TBC1D32: variants seen among roughly 807,000 people sequenced by gnomAD.
TBC1D32 encodes TBC1 domain family member 32.
A neutral mutation model predicts 170.3 loss-of-function variants in TBC1D32; 151 were observed. The ratio of observed to expected loss-of-function variants is 0.89; its 90% CI spans 0.78 to 1.01. TBC1D32 has a LOEUF of 1.01. TBC1D32 is among the 50% of genes least tolerant of loss of function. The pLI is 0.00. For missense variants in TBC1D32, 1,464 were observed against 1,457.1 expected (o/e 1.00, Z -0.08); for synonymous variants, 498 against 488.0 (o/e 1.02, Z -0.27).
intron 19 of TBC1D32, among the ~76,000 whole-genome samples, chr6:121,240,854 G>T (rs113750167): frequency 0.021 from 2,054 of 99,482 alleles, 14 homozygotes; most frequent in Middle Eastern, 0.087. Flanking sequence ...CAGCCTGGGC[G>T]ACAAAAGTGA....
chr6:121,279,339 A>G (rs1802673749), intron 14 of TBC1D32, 94 bp from the exon 15 acceptor site: 1 of 1,386,328 alleles, frequency 7.2e-7, no homozygotes, highest in African/African-American at 1.5e-5. Flanking sequence ...GTAGTCTTAT[A>G]AAGTTATATT....
At chr6:121,229,701 G>C (rs1176259934) in intron 20 of TBC1D32, among the ~76,000 whole-genome samples, 1 of 152,034 alleles carries the variant, frequency 6.6e-6, no homozygotes, top group Non-Finnish European at 1.5e-5. Flanking sequence ...AAAATTATTA[G>C]TTGGGATAAT....
rs575589019 is a variant in TBC1D32, at chr6:121,221,406, G to A, written c.2481+1830C>T. On this transcript the variant is annotated intron_variant, in intron 21 of 31. Transcript: ENST00000398212. ...TCCATTCTGTAGCCCATAAATCAAG[G>A]AGTAATTTTGACTTTCAAATATTTA... is the stretch of plus-strand genomic sequence containing the variant. 9.9e-5 allele frequency among the ~76,000 whole-genome samples: 15 copies of A among 152,264 alleles called. No homozygotes were observed. In the South Asian group the frequency reaches 2.9e-3, roughly 29 times the overall value.
intron 24 of TBC1D32, among the ~76,000 whole-genome samples, chr6:121,134,295 GCTAT>G (rs577348677): frequency 2.4e-4 from 36 of 151,958 alleles, no homozygotes; most frequent in Non-Finnish European, 4.7e-4. Flanking sequence ...CCTTTCATAG[GCTAT>G]CTGTTATTTA....
chr6:121,171,232 A>G (rs1352388331), intron 22 of TBC1D32, among the ~76,000 whole-genome samples: 1 of 151,682 alleles, frequency 6.6e-6, no homozygotes, highest in East Asian at 1.9e-4. Flanking sequence ...CAGAGTTTTG[A>G]GAATCCTACA....
chr6:121,293,115 A>G (rs1805110826), intron 11 of TBC1D32, among the ~76,000 whole-genome samples: 1 of 151,458 alleles, frequency 6.6e-6, no homozygotes, highest in Non-Finnish European at 1.5e-5. Flanking sequence ...AATGAGCAAG[A>G]ATTTTTTTAA....
Position 121,277,143 on chromosome 6 carries a change from A to G in TBC1D32, c.1733+1978T>C, listed in dbSNP as rs186240719. Reference sequence around the variant, plus strand: ...GATGTCACTTTCTGGGCCATAAAACATAAAATACACTTTGAAAACTAGAAA... The same window carrying G: ...GATGTCACTTTCTGGGCCATAAAACGTAAAATACACTTTGAAAACTAGAAA... On this transcript the variant is annotated intron_variant, in intron 15 of 31. Transcript: ENST00000398212. Among the ~76,000 whole-genome samples the G allele has an allele frequency of 1.4e-4, 21 of 152,320 alleles. No individual in the cohort carries two copies. The East Asian group carries it at 3.9e-3, about 28-fold the overall frequency.
At chr6:121,085,332 CATACATATATATACATACATATAT>C (rs1776130008) in intron 31 of TBC1D32, among the ~76,000 whole-genome samples, 1 of 127,564 alleles carries the variant, frequency 7.8e-6, no homozygotes, top group African/African-American at 3.7e-5. Context: ...TATATATATA[CATACATATATATACATACATATAT>C]ATACATATAT....
chr6:121,160,927 T>C (rs1424919357), intron 23 of TBC1D32, 21 bp downstream of exon 23: 4 of 1,593,402 alleles, frequency 2.5e-6, no homozygotes, highest in Non-Finnish European at 3.4e-6. Context: ...CACATCCCAC[T>C]TCTCTTTGCC....
chr6:121,100,206 A>G (rs976389155), intron 30 of TBC1D32, among the ~76,000 whole-genome samples: 1 of 151,968 alleles, frequency 6.6e-6, no homozygotes, highest in Non-Finnish European at 1.5e-5. Context: ...CAATTTTGGA[A>G]TAAGTGCGAT....
At chr6:121,242,429 AC>A in intron 17 of TBC1D32, 90 bp from the exon 18 acceptor site, 1 of 1,285,256 alleles carries the variant, frequency 7.8e-7, no homozygotes, top group Non-Finnish European at 1.1e-6. Context: ...AACCCTGTTT[AC>A]AATTAAAGTT....
At chr6:121,332,129 G>A (rs1309451414) in intron 1 of TBC1D32, among the ~76,000 whole-genome samples, 2 of 152,180 alleles carry the variant, frequency 1.3e-5, no homozygotes, top group African/African-American at 4.8e-5. Flanking sequence ...AGACTTCGGA[G>A]AGGAACTACA....
intron 17 of TBC1D32, among the ~76,000 whole-genome samples, chr6:121,244,010 G>A (rs1797308942): frequency 6.6e-6 from 1 of 151,992 alleles, no homozygotes; most frequent in African/African-American, 2.4e-5. Flanking sequence ...AAACGAGGGA[G>A]TAAGAGAGGG....
At chr6:121,178,307 A>G (rs1250028861) in intron 22 of TBC1D32, among the ~76,000 whole-genome samples, 1 of 151,976 alleles carries the variant, frequency 6.6e-6, no homozygotes, top group African/African-American at 2.4e-5. Context: ...ATGACTCTGG[A>G]TTTTGTTATG....
At chr6:121,171,481 A>G (rs1562757089) in intron 22 of TBC1D32, among the ~76,000 whole-genome samples, 1 of 152,122 alleles carries the variant, frequency 6.6e-6, no homozygotes, top group Non-Finnish European at 1.5e-5. Flanking sequence ...ACAATGGCAC[A>G]GTAATGAAGG....
chr6:121,278,256 G>A (rs191057983), intron 15 of TBC1D32, among the ~76,000 whole-genome samples: 1 of 152,064 alleles, frequency 6.6e-6, no homozygotes, highest in Admixed American at 6.6e-5. Flanking sequence ...TTATTATAAG[G>A]TCACCATTCC....
intron 26 of TBC1D32, among the ~76,000 whole-genome samples, chr6:121,122,816 G>T (rs1484088554): frequency 6.6e-6 from 1 of 152,062 alleles, no homozygotes. Flanking sequence ...GAACACATGT[G>T]TGTCTGGGAC....
chr6:121,289,624 TC>T (rs1048330132), intron 12 of TBC1D32, among the ~76,000 whole-genome samples: 29 of 152,282 alleles, frequency 1.9e-4, no homozygotes, highest in African/African-American at 7.0e-4. Flanking sequence ...CCAATGACTT[TC>T]CTCACAGAAT....
chr6:121,226,075 T>G (rs930190588), intron 20 of TBC1D32, among the ~76,000 whole-genome samples: 3 of 152,074 alleles, frequency 2.0e-5, no homozygotes, highest in Non-Finnish European at 4.4e-5. Flanking sequence ...AGTCAAGAAG[T>G]TTTCTTATAA....
Sources: gnomAD v4.1 joint callset for allele counts (sites outside exome capture counted in the v4.1 genomes callset) on GRCh38, gnomAD v4.1.1 for gene constraint, MANE v1.5 for transcripts, NCBI Gene and HGNC (gene_info 2026-07-23, HGNC 2026-07-21) for gene names.